SCHIP1: variants seen among roughly 807,000 people sequenced by gnomAD.
SCHIP1 encodes schwannomin-interacting protein 1.
In SCHIP1, 8 loss-of-function variants were observed where a neutral mutation model predicts 29.7. That is an observed-to-expected ratio of 0.27 (90% CI 0.16 to 0.49). SCHIP1 has a LOEUF of 0.49. SCHIP1 is among the 20% of genes least tolerant of loss of function. SCHIP1 has a pLI of 0.99. For synonymous variants in SCHIP1, 76 were observed against 94.9 expected (o/e 0.80, Z 1.16); for missense variants, 193 against 294.6 (o/e 0.66, Z 2.52).
chr3:159,616,860 C>A, the SCHIP1 span, among the ~76,000 whole-genome samples: 1 of 152,076 alleles, frequency 6.6e-6, no homozygotes, highest in Non-Finnish European at 1.5e-5. Flanking sequence ...CTGCATTGTC[C>A]AATATGGTGG....
the SCHIP1 span, among the ~76,000 whole-genome samples, chr3:159,501,456 T>C: frequency 1.3e-5 from 2 of 152,186 alleles, no homozygotes; most frequent in Non-Finnish European, 2.9e-5. Context: ...GATGGAGACT[T>C]GCCTAATTAC....
At chr3:159,437,145 T>A in the SCHIP1 span, among the ~76,000 whole-genome samples, 1 of 152,156 alleles carries the variant, frequency 6.6e-6, no homozygotes, top group African/African-American at 2.4e-5. Context: ...AAGACTTCCC[T>A]TATCAAGCCC....
chr3:159,276,630 A>G, the SCHIP1 span, among the ~76,000 whole-genome samples: 1 of 152,264 alleles, frequency 6.6e-6, no homozygotes, highest in Non-Finnish European at 1.5e-5. Context: ...CTGATTTGAG[A>G]TTTACATTAA....
chr3:159,538,464 T>A, the SCHIP1 span, among the ~76,000 whole-genome samples: 1 of 152,098 alleles, frequency 6.6e-6, no homozygotes, highest in African/African-American at 2.4e-5. Context: ...CTTGGGAACT[T>A]TAAGGGATAT....
chr3:159,651,240 A>G, the SCHIP1 span, among the ~76,000 whole-genome samples: 1 of 152,206 alleles, frequency 6.6e-6, no homozygotes, highest in Non-Finnish European at 1.5e-5. Flanking sequence ...AGGAAGCAAA[A>G]CTTATGAATT....
the SCHIP1 span, among the ~76,000 whole-genome samples, chr3:159,488,237 A>T: frequency 6.6e-6 from 1 of 152,236 alleles, no homozygotes; most frequent in African/African-American, 2.4e-5. Flanking sequence ...CACACAAAAA[A>T]TAGCTAGAAT....
At chr3:159,686,288 C>A in the SCHIP1 span, among the ~76,000 whole-genome samples, 2 of 152,204 alleles carry the variant, frequency 1.3e-5, no homozygotes, top group East Asian at 1.9e-4. Context: ...CAAATTTGTA[C>A]TACTGCCAAA....
the SCHIP1 span, among the ~76,000 whole-genome samples, chr3:159,639,459 C>G: frequency 6.6e-6 from 1 of 151,976 alleles, no homozygotes; most frequent in Non-Finnish European, 1.5e-5. Context: ...TTACTCAATT[C>G]ATTTACTTGA....
chr3:159,827,482 A>G, the SCHIP1 span, among the ~76,000 whole-genome samples: 1 of 152,218 alleles, frequency 6.6e-6, no homozygotes. Context: ...AAGGTATGCT[A>G]TGTAAATTCT....
the SCHIP1 span, among the ~76,000 whole-genome samples, chr3:159,448,070 T>C: frequency 6.6e-6 from 1 of 152,186 alleles, no homozygotes; most frequent in African/African-American, 2.4e-5. Context: ...ACTTCACCAC[T>C]CTGAGTCTGT....
the SCHIP1 span, among the ~76,000 whole-genome samples, chr3:159,361,852 G>A: frequency 2.0e-5 from 3 of 152,204 alleles, no homozygotes; most frequent in African/African-American, 7.2e-5. Flanking sequence ...CAAAGAATTG[G>A]AAGTTTGGAA....
the SCHIP1 span, among the ~76,000 whole-genome samples, chr3:159,662,255 T>C: frequency 6.6e-6 from 1 of 152,206 alleles, no homozygotes; most frequent in East Asian, 1.9e-4. Flanking sequence ...GGGCTACCTG[T>C]TTCTGCAATA....
the SCHIP1 span, among the ~76,000 whole-genome samples, chr3:159,452,145 T>G: frequency 3.3e-5 from 5 of 151,898 alleles, no homozygotes; most frequent in Non-Finnish European, 2.9e-5. Context: ...TTCTTTTTTT[T>G]TTTTTTTTTA....
chr3:159,541,952 A>G, the SCHIP1 span, among the ~76,000 whole-genome samples: 1 of 152,116 alleles, frequency 6.6e-6, no homozygotes, highest in South Asian at 2.1e-4. Flanking sequence ...CCCAGCTACA[A>G]TTTATGGATG....
chr3:159,316,755 A>G, the SCHIP1 span, among the ~76,000 whole-genome samples: 3 of 152,226 alleles, frequency 2.0e-5, no homozygotes, highest in Non-Finnish European at 2.9e-5. Context: ...AGTTAACAAT[A>G]CTTAAAGGCT....
intron 5 of SCHIP1, among the ~76,000 whole-genome samples, chr3:159,891,041 G>A (rs1158945257): frequency 6.6e-6 from 1 of 152,104 alleles, no homozygotes; most frequent in Non-Finnish European, 1.5e-5. Context: ...AGTGGCAGGA[G>A]CCCAATTAAC....
the SCHIP1 span, among the ~76,000 whole-genome samples, chr3:159,350,912 T>C: frequency 1.9e-4 from 29 of 152,236 alleles, no homozygotes; most frequent in Non-Finnish European, 3.2e-4. Flanking sequence ...TGATGAATAC[T>C]TCTAAGATTT....
At chr3:159,514,911 T>C in the SCHIP1 span, among the ~76,000 whole-genome samples, 1 of 152,192 alleles carries the variant, frequency 6.6e-6, no homozygotes, top group Non-Finnish European at 1.5e-5. Flanking sequence ...CTAGTAGTAA[T>C]GACAGCCTTA....
the SCHIP1 span, chr3:159,763,955 C>G: frequency 6.8e-6 from 1 of 147,136 alleles, no homozygotes; most frequent in South Asian, 2.1e-4. Flanking sequence ...CGGGGCGGGG[C>G]GGGGCCGGGC....
Sources: gnomAD v4.1 joint callset for allele counts (sites outside exome capture counted in the v4.1 genomes callset) on GRCh38, gnomAD v4.1.1 for gene constraint, MANE v1.5 for transcripts, NCBI Gene and HGNC (gene_info 2026-07-23, HGNC 2026-07-21) for gene names.